Variants in CPLX2 observed in about 807,000 individuals in gnomAD.
CPLX2 encodes the protein complexin-2.
A neutral mutation model predicts 16.3 loss-of-function variants in CPLX2; 5 were observed. That is an observed-to-expected ratio of 0.31 (90% CI 0.16 to 0.64). The LOEUF is 0.64. Among genes scored for constraint, CPLX2 ranks in the 30% least tolerant of loss-of-function variants. The probability of loss-of-function intolerance (pLI) is 0.79; values close to 1 mark genes in which losing one functional copy is unlikely to be tolerated. For synonymous variants in CPLX2, 89 were observed against 73.2 expected, an observed-to-expected ratio of 1.22 and a Z score of -1.10; for missense variants, 144 against 181.4, an observed-to-expected ratio of 0.79 and a Z score of 1.18.
chr5:175,864,832 G>A (rs1469001210), intron 2 of CPLX2, among the ~76,000 whole-genome samples: 2 of 152,278 alleles, frequency 1.3e-5, no homozygotes, highest in East Asian at 3.9e-4. Flanking sequence ...TGTTTAGGAC[G>A]TGTGGAGCTG....
chr5:175,810,485 G>A (rs889648114), intron 2 of CPLX2, among the ~76,000 whole-genome samples: 3 of 152,188 alleles, frequency 2.0e-5, no homozygotes, highest in African/African-American at 7.2e-5. Context: ...GGCTCTTGCA[G>A]GACAAGAGCT....
chr5:175,881,542 CAG>C lies in CPLX2; in HGVS notation c.*1501_*1502del, dbSNP rs917537933. On this transcript the variant is annotated 3_prime_UTR_variant, in exon 4 of 4. Coordinates refer to ENST00000393745, the MANE Select transcript of CPLX2 (RefSeq NM_001008220.2). ...GTAGAAGCGTGTGTTTGAGAGAATT[CAG>C]AGACATTTGAAGGCTGCTGTGTGCA... 5 of 153,002 alleles carry C rather than the reference CAG, an allele frequency of 3.3e-5. No homozygotes were observed. Among genetic ancestry groups the C allele is most frequent in the African/African-American group, 4.8e-5 (2 of 41,430 alleles). 9.5% of individuals were successfully genotyped at this position (153,002 alleles called of 1,614,324 possible). A position where few individuals can be genotyped will look rare whatever the true frequency, so the allele number is the denominator to read the frequency against.
At chr5:175,866,335 G>A (rs1289426851) in intron 2 of CPLX2, among the ~76,000 whole-genome samples, 2 of 152,230 alleles carry the variant, frequency 1.3e-5, no homozygotes, top group Non-Finnish European at 2.9e-5. Flanking sequence ...GAGGTTGGAG[G>A]AGAGGAGACA....
chr5:175,810,651 C>G (rs796271879), intron 2 of CPLX2, among the ~76,000 whole-genome samples: 1 of 152,250 alleles, frequency 6.6e-6, no homozygotes, highest in Non-Finnish European at 1.5e-5. Context: ...TCTCCACCCT[C>G]TCTTTCTTGT....
At chr5:175,862,133 G>T (rs1759384646) in intron 2 of CPLX2, among the ~76,000 whole-genome samples, 1 of 152,204 alleles carries the variant, frequency 6.6e-6, no homozygotes, top group Admixed American at 6.5e-5. Context: ...AGAAATTTGT[G>T]TATTTTCTCA....
intron 2 of CPLX2, among the ~76,000 whole-genome samples, chr5:175,815,295 A>G (rs1334531830): frequency 6.6e-6 from 1 of 152,198 alleles, no homozygotes; most frequent in African/African-American, 2.4e-5. Context: ...CCCAGGGCTG[A>G]AAAGGATCTG....
Position 175,880,723 on chromosome 5 carries a change from A to T in CPLX2, c.*678A>T, listed in dbSNP as rs1755567950. On this transcript the variant is annotated 3_prime_UTR_variant, in exon 4 of 4. Transcript: ENST00000393745. ...TGGACTTTAGCTCATTTGTGGAGGA[A>T]CCCCAGGTAGGGACGCCCCTTGTTC... 1.3e-5 allele frequency: 2 copies of T among 152,962 alleles called. No individual in the cohort carries two copies. Among genetic ancestry groups the T allele is most frequent in the South Asian group, 2.1e-4 (1 of 4,822 alleles). 9.5% of individuals were successfully genotyped at this position (152,962 alleles called of 1,614,324 possible).
chr5:175,863,745 G>A (rs1759412165), intron 2 of CPLX2, among the ~76,000 whole-genome samples: 1 of 152,166 alleles, frequency 6.6e-6, no homozygotes, highest in Non-Finnish European at 1.5e-5. Context: ...TTTTAAATTT[G>A]TGGGTGGAAA....
intron 2 of CPLX2, among the ~76,000 whole-genome samples, chr5:175,847,232 A>G (rs7448075): frequency 1 from 151,896 of 152,296 alleles, 75,749 homozygotes; most frequent in Middle Eastern, 1. Context: ...GGCAGCACAG[A>G]CCAGGTTGAG....
intron 2 of CPLX2, among the ~76,000 whole-genome samples, chr5:175,833,000 A>C (rs1758759621): frequency 6.6e-6 from 1 of 152,140 alleles, no homozygotes; most frequent in Admixed American, 6.5e-5. Context: ...TACTACAAAT[A>C]CAAAAATTAG....
chr5:175,804,504 T>C (rs535559107), intron 1 of CPLX2, among the ~76,000 whole-genome samples: 1 of 152,334 alleles, frequency 6.6e-6, no homozygotes, highest in East Asian at 1.9e-4. Context: ...CCAGCCTCAA[T>C]TTCCCCATCT....
intron 2 of CPLX2, among the ~76,000 whole-genome samples, chr5:175,818,485 A>G (rs1392445863): frequency 6.6e-6 from 1 of 152,002 alleles, no homozygotes; most frequent in African/African-American, 2.4e-5. Flanking sequence ...ACTATAACCT[A>G]TGTTCATAAA....
At chr5:175,873,909 G>A (rs1759696261) in intron 1 of CPLX2, among the ~76,000 whole-genome samples, 2 of 152,208 alleles carry the variant, frequency 1.3e-5, no homozygotes, top group Admixed American at 6.5e-5. Flanking sequence ...AGGGTAAGAG[G>A]TTCCAAGGCT....
At chr5:175,860,587 G>GAAGGAAGGAAGT (rs1759353616) in intron 2 of CPLX2, among the ~76,000 whole-genome samples, 6 of 82,534 alleles carry the variant, frequency 7.3e-5, no homozygotes, top group Admixed American at 3.5e-4. Context: ...GGGAGGGAGG[G>GAAGGAAGGAAGT]AAGGAAGGAA....
intron 2 of CPLX2, among the ~76,000 whole-genome samples, chr5:175,863,630 C>A (rs1473491598): frequency 3.9e-5 from 6 of 152,244 alleles, no homozygotes; most frequent in African/African-American, 1.4e-4. Flanking sequence ...CTTCCCAAGA[C>A]TTCCCCAATC....
In CPLX2 at chr5:175,872,561, T is replaced by A. The variant is rs1489303544; in HGVS notation, c.-89+856T>A. ...TCCGGGAGAGGGGCGCCGGGGTTCC[T>A]GTCCTCTCTTCTGGCCGGGAAACGG... On this transcript the variant is annotated intron_variant, in intron 1 of 3. Transcript: ENST00000393745. This position sits in a 1 kb window ranked among gnomAD's most constrained non-coding sequence, Gnocchi z 5.0. Among the ~76,000 whole-genome samples, 1 of 152,082 alleles carries A rather than the reference T, an allele frequency of 6.6e-6. No individual in the cohort carries two copies. The highest frequency in any genetic ancestry group is 1.5e-5 in the Non-Finnish European group (1 of 67,992).
chr5:175,857,343 A>G (rs1328159663), intron 2 of CPLX2, among the ~76,000 whole-genome samples: 1 of 152,056 alleles, frequency 6.6e-6, no homozygotes, highest in African/African-American at 2.4e-5. Flanking sequence ...TCTCATATCA[A>G]CTGGCTTTAT....
chr5:175,818,401 C>T (rs1415866715), intron 2 of CPLX2, among the ~76,000 whole-genome samples: 1 of 152,104 alleles, frequency 6.6e-6, no homozygotes, highest in East Asian at 1.9e-4. Flanking sequence ...GAGACCCTGT[C>T]CCAGGCTAGG....
intron 1 of CPLX2, among the ~76,000 whole-genome samples, chr5:175,803,821 T>C (rs1758144333): frequency 6.6e-6 from 1 of 152,202 alleles, no homozygotes; most frequent in South Asian, 2.1e-4. Flanking sequence ...TGCTGCCATC[T>C]CTAGAGCAGG....
Sources: allele counts gnomAD v4.1 joint callset (sites outside exome capture counted in the v4.1 genomes callset), GRCh38; gene constraint gnomAD v4.1.1; non-coding constraint Gnocchi (gnomAD v3.1); transcripts MANE v1.5; gene names NCBI Gene and HGNC (gene_info 2026-07-23, HGNC 2026-07-21).